The following VRK2 variants were observed in gnomAD, a reference collection of about 807,000 sequenced individuals.
VRK2 encodes the protein VRK serine/threonine kinase 2, also known as serine/threonine-protein kinase VRK2.
In VRK2, 60 loss-of-function variants were observed where a neutral mutation model predicts 57.6. The ratio of observed to expected loss-of-function variants is 1.04; its 90% CI spans 0.85 to 1.29. The LOEUF (loss-of-function observed/expected upper bound fraction) is 1.29, where lower values mean the gene tolerates loss of function less well. VRK2 is among the 50% of genes most tolerant of loss of function. The pLI is 0.00. For missense variants in VRK2, 705 were observed against 588.1 expected (o/e 1.20, Z -2.06); for synonymous variants, 231 against 199.2 (o/e 1.16, Z -1.35).
At chr2:58,048,251 G>A (rs1203220646) in intron 1 of VRK2, among the ~76,000 whole-genome samples, 1 of 152,136 alleles carries the variant, frequency 6.6e-6, no homozygotes, top group East Asian at 1.9e-4. Context: ...GAATATTTTG[G>A]CAGCCCGAGA....
At chr2:58,079,130 C>T (rs527917847) in intron 2 of VRK2, among the ~76,000 whole-genome samples, 1 of 152,032 alleles carries the variant, frequency 6.6e-6, no homozygotes, top group Non-Finnish European at 1.5e-5. Context: ...TTTGGGTTTG[C>T]TTTAAATTCA....
At chr2:57,915,144 T>C (rs1381804229) in intron 1 of VRK2, among the ~76,000 whole-genome samples, 1 of 152,160 alleles carries the variant, frequency 6.6e-6, no homozygotes, top group African/African-American at 2.4e-5. Flanking sequence ...TATCTCCGAA[T>C]AGGAATAGTT....
rs79406669 is a variant in VRK2, at chr2:57,989,340, A to G, written c.-438-36325A>G. On this transcript the variant is annotated intron_variant, in intron 1 of 15. Coordinates refer to the VRK2 transcript ENST00000417641. ...TGGTATTTTATCTGCTAAGCCTGCC[A>G]TCTTGACAAAGTCTCACAGCAATAT... 5.9e-5 allele frequency among the ~76,000 whole-genome samples: 9 copies of G among 152,338 alleles called. No individual in the cohort carries two copies. The East Asian group carries it at 1.7e-3, about 29-fold the overall frequency.
intron 1 of VRK2, among the ~76,000 whole-genome samples, chr2:57,962,103 C>G (rs984051070): frequency 3.3e-5 from 5 of 152,076 alleles, no homozygotes; most frequent in Admixed American, 2.6e-4. Context: ...CAAACAAAAA[C>G]AGTATTTTGT....
chr2:58,047,319 C>T (rs1674969209), intron 1 of VRK2: 3 of 649,768 alleles, frequency 4.6e-6, no homozygotes, highest in Non-Finnish European at 5.7e-6. Context: ...ACATGTTAAC[C>T]CCTGGGTACC....
chr2:58,042,218 A>C (rs1332451049), upstream of VRK2, among the ~76,000 whole-genome samples: 3 of 152,210 alleles, frequency 2.0e-5, no homozygotes, highest in African/African-American at 7.2e-5. Context: ...ATGAAGAATT[A>C]TGTCATTTGG....
chr2:58,098,083 T>C (rs1349705869), intron 7 of VRK2, among the ~76,000 whole-genome samples: 1 of 149,124 alleles, frequency 6.7e-6, no homozygotes, highest in African/African-American at 2.5e-5. Context: ...GGCTAATGGG[T>C]GTGTGATTGT....
chr2:58,016,433 G>A (rs112726542), intron 1 of VRK2, among the ~76,000 whole-genome samples: 12,538 of 152,118 alleles, frequency 0.082, 1,823 homozygotes, highest in African/African-American at 0.29. Context: ...TGCAACCTCC[G>A]CCTCCCAGGT....
chr2:57,907,738 T>C (rs996339685), exon 1 of VRK2: 1 of 152,228 alleles, frequency 6.6e-6, no homozygotes, highest in Non-Finnish European at 1.5e-5. Flanking sequence ...ATTTCCTTCA[T>C]CCTACAAGAT....
At chr2:57,935,076 T>C (rs1006964151) in intron 1 of VRK2, among the ~76,000 whole-genome samples, 4 of 152,222 alleles carry the variant, frequency 2.6e-5, no homozygotes, top group African/African-American at 9.6e-5. Context: ...TAGATCTCCA[T>C]TTCTTTGGAC....
intron 1 of VRK2, among the ~76,000 whole-genome samples, chr2:57,916,134 C>T (rs966649828): frequency 9.9e-5 from 15 of 152,154 alleles, no homozygotes; most frequent in Admixed American, 4.6e-4. Context: ...AGGGCGGGCG[C>T]GGTGGCTCAA....
chr2:58,116,460 C>T (rs1275901687), intron 7 of VRK2, among the ~76,000 whole-genome samples: 1 of 151,990 alleles, frequency 6.6e-6, no homozygotes, highest in Non-Finnish European at 1.5e-5. Flanking sequence ...TCTAAGTTGG[C>T]ACCAGAGTTG....
intron 1 of VRK2, among the ~76,000 whole-genome samples, chr2:57,952,416 T>C (rs917708094): frequency 2.0e-5 from 3 of 152,190 alleles, no homozygotes; most frequent in African/African-American, 7.2e-5. Flanking sequence ...AGAAAGGAGA[T>C]AACAAAAACG....
chr2:58,101,559 T>C lies in VRK2; in HGVS notation c.543+11836T>C, dbSNP rs531601411. ...TAGAAATACAGATTAATTATTCTAA[T>C]TGTACTTAAGCTCTCTTTTTCTTTT... On this transcript the variant is annotated intron_variant, in intron 7 of 12. Transcript: ENST00000340157. 5.0e-4 allele frequency among the ~76,000 whole-genome samples: 76 copies of C among 151,884 alleles called. 1 individual carries two copies. The South Asian group carries it at 7.9e-3, about 16-fold the overall frequency.
At chr2:58,150,531 C>T (rs1682844408) in intron 12 of VRK2, among the ~76,000 whole-genome samples, 1 of 134,444 alleles carries the variant, frequency 7.4e-6, no homozygotes, top group African/African-American at 2.8e-5. Flanking sequence ...CATTGATCTT[C>T]TCAAAGACCA....
chr2:58,078,923 C>T (rs966513256), intron 2 of VRK2, among the ~76,000 whole-genome samples: 3 of 152,152 alleles, frequency 2.0e-5, no homozygotes, highest in Non-Finnish European at 4.4e-5. Flanking sequence ...GTCTGCCTGC[C>T]TCGGCCTCCC....
chr2:58,027,380 T>C (rs1673962178), intron 2 of VRK2, among the ~76,000 whole-genome samples: 1 of 152,152 alleles, frequency 6.6e-6, no homozygotes, highest in Non-Finnish European at 1.5e-5. Context: ...TAAGAAGACT[T>C]CTATGGAGTA....
At chr2:58,072,476 T>C (rs927485075) in intron 2 of VRK2, among the ~76,000 whole-genome samples, 4 of 151,986 alleles carry the variant, frequency 2.6e-5, no homozygotes, top group Admixed American at 2.6e-4. Flanking sequence ...ATTTTTATGA[T>C]GAATTAGATT....
chr2:57,962,677 C>T (rs889134813), intron 1 of VRK2, among the ~76,000 whole-genome samples: 3 of 151,990 alleles, frequency 2.0e-5, no homozygotes, highest in South Asian at 2.1e-4. Context: ...GCAGTATTTC[C>T]GGTCTCTATG....
Sources: allele counts gnomAD v4.1 joint callset (sites outside exome capture counted in the v4.1 genomes callset), GRCh38; gene constraint gnomAD v4.1.1; transcripts MANE v1.5; gene names NCBI Gene and HGNC (gene_info 2026-07-23, HGNC 2026-07-21).